Variants in STRIP2 observed in about 807,000 individuals in gnomAD.
The protein encoded by STRIP2 is striatin interacting protein 2.
A neutral mutation model predicts 107.1 loss-of-function variants in STRIP2; 84 were observed. The observed-to-expected ratio is 0.78, with a 90% confidence interval of 0.66 to 0.94. The LOEUF (loss-of-function observed/expected upper bound fraction) is 0.94. Among genes scored for constraint, STRIP2 ranks in the 40% least tolerant of loss-of-function variants. The pLI is 0.00. For synonymous variants in STRIP2, 394 were observed against 400.4 expected (o/e 0.98, Z 0.19); for missense variants, 888 against 1,034.2 (o/e 0.86, Z 1.94).
intron 3 of STRIP2, among the ~76,000 whole-genome samples, chr7:129,449,632 G>A (rs746529378): frequency 3.3e-5 from 5 of 152,148 alleles, no homozygotes; most frequent in Admixed American, 6.5e-5. Context: ...CTTCACCAGG[G>A]TCCTCCCACA....
intron 18 of STRIP2, among the ~76,000 whole-genome samples, chr7:129,471,986 TA>T (rs1224741260): frequency 2.0e-5 from 3 of 147,072 alleles, no homozygotes; most frequent in Non-Finnish European, 4.6e-5. Flanking sequence ...AGTTTTTTAT[TA>T]AAAAAAATTT....
chr7:129,485,550 GTCT>G, intron 20 of STRIP2, 26 bp from the exon 21 acceptor site: 13 of 1,606,792 alleles, frequency 8.1e-6, no homozygotes, highest in South Asian at 1.1e-5. Context: ...TGCATTGTAT[GTCT>G]TCTTCTTCCT....
intron 1 of STRIP2, among the ~76,000 whole-genome samples, chr7:129,435,864 C>G (rs966046893): frequency 6.6e-6 from 1 of 152,190 alleles, no homozygotes; most frequent in African/African-American, 2.4e-5. Flanking sequence ...ATTTGAATAG[C>G]ATTTCAGTTT....
intron 2 of STRIP2, among the ~76,000 whole-genome samples, chr7:129,443,497 G>A (rs909665166): frequency 6.6e-6 from 1 of 152,186 alleles, no homozygotes; most frequent in Non-Finnish European, 1.5e-5. Context: ...CTGTGGGCAG[G>A]AATCTAAACT....
intron 19 of STRIP2, among the ~76,000 whole-genome samples, chr7:129,482,368 TATA>T (rs1799143130): frequency 9.9e-6 from 1 of 101,110 alleles, no homozygotes; most frequent in African/African-American, 3.0e-5. Context: ...TATATATATA[TATA>T]TATATATTTT....
chr7:129,449,544 T>C (rs568494676), intron 3 of STRIP2, among the ~76,000 whole-genome samples: 1 of 152,262 alleles, frequency 6.6e-6, no homozygotes, highest in South Asian at 2.1e-4. Flanking sequence ...GGAGGAGATA[T>C]TGCCACTACT....
At chr7:129,484,559 G>A (rs1799201250) in intron 20 of STRIP2, 1 of 152,138 alleles carries the variant, frequency 6.6e-6, no homozygotes, top group African/African-American at 2.4e-5. Context: ...CCCAGGACAA[G>A]TCTTATCCAT....
chr7:129,444,099 G>C lies in STRIP2; in HGVS notation c.274+1G>C, dbSNP rs1286739427. The C allele has an allele frequency of 6.2e-7, 1 of 1,609,850 alleles. No individual in the cohort carries two copies. The highest frequency in any genetic ancestry group is 1.3e-5 in the African/African-American group (1 of 74,792). ...TTTGAAGAAGATTTCAAGACTCAAG[G>C]TAATTCCAGATCTTTACTCATAGAG... On this transcript the variant is annotated splice_donor_variant, in intron 3 of 20. Transcript: ENST00000249344. LOFTEE classifies it high-confidence loss of function.
At chr7:129,453,405 C>T in intron 5 of STRIP2, 58 bp downstream of exon 5, 1 of 1,603,778 alleles carries the variant, frequency 6.2e-7, no homozygotes, top group Non-Finnish European at 8.5e-7. Context: ...AAAGGGGCCT[C>T]ATGTTCTATG....
Position 129,458,754 on chromosome 7 carries a change from G to A in STRIP2, c.1317G>A (p.Lys439=), listed in dbSNP as rs1016897995. 8 of 1,614,198 alleles carry A rather than the reference G, an allele frequency of 5.0e-6. No homozygotes were observed. The highest frequency in any genetic ancestry group is 6.8e-6 in the Non-Finnish European group (8 of 1,180,030). The part of the protein sequence containing the change: ...IEHFLEMSRN[K]FIGFTLGQDT... ...ACTTCTTGGAGATGAGCAGGAACAAGTTCATCGGATTCACCCTGGGGCAGT... is the reference window on the plus strand; with the variant it reads ...ACTTCTTGGAGATGAGCAGGAACAAATTCATCGGATTCACCCTGGGGCAGT... The change falls in exon 11 of 21, where the codon AAG becomes AAA. Residue 439 remains lysine, a synonymous_variant. Transcript: ENST00000249344. The surrounding 1 kb of genome is among the most constrained non-coding windows in gnomAD (Gnocchi z 4.6).
intron 18 of STRIP2, among the ~76,000 whole-genome samples, chr7:129,473,362 T>G (rs1330408423): frequency 6.6e-6 from 1 of 152,174 alleles, no homozygotes; most frequent in African/African-American, 2.4e-5. Flanking sequence ...AGAGGACAAT[T>G]TTTTTCTTTC....
At chr7:129,482,377 AT>A (rs869099836) in intron 19 of STRIP2, among the ~76,000 whole-genome samples, 1,084 of 68,886 alleles carry the variant, frequency 0.016, 5 homozygotes, top group Non-Finnish European at 0.017. Context: ...ATATATATAT[AT>A]TTTTTTTTTT....
chr7:129,437,677 A>G (rs1797779382), intron 1 of STRIP2, among the ~76,000 whole-genome samples: 1 of 152,092 alleles, frequency 6.6e-6, no homozygotes, highest in Non-Finnish European at 1.5e-5. Flanking sequence ...CTTACCTATC[A>G]GAATAAAACA....
At chr7:129,454,000 A>G (rs1798269392) in intron 5 of STRIP2, 142 bp from the exon 6 acceptor site, 1 of 689,166 alleles carries the variant, frequency 1.5e-6, no homozygotes, top group Non-Finnish European at 2.4e-6. Context: ...GAATTCTGTC[A>G]GCTCCTTTAC....
rs1328034476 is a variant in STRIP2, at chr7:129,461,694, G to A, written c.1477-1272G>A. Reference sequence around the variant, plus strand: ...CTTGATAAGAACAACTCTAAGTGAAGTAGTGGGACTGAAAGCCTAATTGGA... The same window carrying A: ...CTTGATAAGAACAACTCTAAGTGAAATAGTGGGACTGAAAGCCTAATTGGA... On this transcript the variant is annotated intron_variant, in intron 13 of 20. Transcript: ENST00000249344. This position sits in a 1 kb window ranked among gnomAD's most constrained non-coding sequence, Gnocchi z 4.0. 6.6e-6 allele frequency among the ~76,000 whole-genome samples: 1 copy of A among 152,222 alleles called. No homozygotes were observed. Among genetic ancestry groups the A allele is most frequent in the Admixed American group, 6.5e-5 (1 of 15,290 alleles).
intron 2 of STRIP2, among the ~76,000 whole-genome samples, chr7:129,442,790 T>G (rs1304091396): frequency 6.6e-6 from 1 of 152,190 alleles, no homozygotes; most frequent in Admixed American, 6.5e-5. Context: ...GACAAGGTGT[T>G]TCTCAACCAT....
chr7:129,455,183 A>G, intron 7 of STRIP2, 61 bp from the exon 8 acceptor site: 1 of 1,553,190 alleles, frequency 6.4e-7, no homozygotes, highest in Non-Finnish European at 8.7e-7. Context: ...TCAGGGTTAC[A>G]TGAAAAAGGT....
rs1345695127 is a variant in STRIP2, at chr7:129,477,212, G to GA, written c.1945-3573_1945-3572insA. Among the ~76,000 whole-genome samples, 365 of 125,134 alleles carry GA rather than the reference G, an allele frequency of 2.9e-3. 34 individuals are homozygous for GA. Among genetic ancestry groups the GA allele is most frequent in the South Asian group, 8.4e-3 (27 of 3,210 alleles). The allele number at this position is 125,134 out of a possible 152,430, so 82.1% of individuals were successfully genotyped here. A position where few individuals can be genotyped will look rare whatever the true frequency, so the allele number is the denominator to read the frequency against. ...GGGGAGAGGGAGGGGGAGGGGGAGG[G>GA]GGAGGGAGACTGTGGGGAGAGGGAG... On this transcript the variant is annotated intron_variant, in intron 18 of 20. Coordinates refer to ENST00000249344, the MANE Select transcript of STRIP2 (RefSeq NM_020704.3).
intron 18 of STRIP2, among the ~76,000 whole-genome samples, chr7:129,474,113 A>G (rs1234288922): frequency 6.6e-6 from 1 of 151,806 alleles, no homozygotes; most frequent in Non-Finnish European, 1.5e-5. Context: ...TCCTTGTGTA[A>G]CTCCAAAACA....
Sources: allele counts gnomAD v4.1 joint callset (sites outside exome capture counted in the v4.1 genomes callset), GRCh38; gene constraint gnomAD v4.1.1; non-coding constraint Gnocchi (gnomAD v3.1); transcripts MANE v1.5; gene names NCBI Gene and HGNC (gene_info 2026-07-23, HGNC 2026-07-21).